FMNL2: variants seen among roughly 807,000 people sequenced by gnomAD.
FMNL2 encodes the protein formin-like protein 2.
FMNL2 carries 51 observed loss-of-function variants against 130.2 expected under a neutral mutation model. The observed-to-expected ratio is 0.39, with a 90% CI of 0.31 to 0.49. The LOEUF is 0.49. Ranked by LOEUF, FMNL2 falls within the 20% of genes least tolerant of loss-of-function variation. The pLI is 0.85. For synonymous variants in FMNL2, 465 were observed against 467.1 expected, an observed-to-expected ratio of 1.00 and a Z score of 0.06; for missense variants, 977 against 1,316.2, an observed-to-expected ratio of 0.74 and a Z score of 3.99.
chr2:152,350,321 C>T (rs1682405818), intron 1 of FMNL2, among the ~76,000 whole-genome samples: 1 of 152,150 alleles, frequency 6.6e-6, no homozygotes, highest in South Asian at 2.1e-4. Flanking sequence ...TCAGACCTTG[C>T]CCATGGGACA....
chr2:152,503,502 A>C (rs1447653283), intron 1 of FMNL2, among the ~76,000 whole-genome samples: 2 of 152,152 alleles, frequency 1.3e-5, no homozygotes, highest in African/African-American at 4.8e-5. Flanking sequence ...TCTTGCCAAA[A>C]CCAGATTTTA....
intron 15 of FMNL2, among the ~76,000 whole-genome samples, chr2:152,620,537 G>A (rs1029208593): frequency 1.3e-5 from 2 of 152,162 alleles, no homozygotes; most frequent in Admixed American, 6.5e-5. Context: ...TCCCTGTGAC[G>A]TGGGGTAATT....
chr2:152,619,248 T>G, intron 14 of FMNL2, 90 bp downstream of exon 14: 1 of 1,431,518 alleles, frequency 7.0e-7, no homozygotes, highest in South Asian at 1.5e-5. Flanking sequence ...TTTGTCCGTT[T>G]TTGTTGGCAT....
In FMNL2 at chr2:152,499,072, A is replaced by G. The variant is rs546029189; in HGVS notation, c.118-22871A>G. 2.0e-5 allele frequency among the ~76,000 whole-genome samples: 3 copies of G among 152,362 alleles called. No individual in the cohort carries two copies. The East Asian group carries it at 5.8e-4, about 29-fold the overall frequency. On this transcript the variant is annotated intron_variant, in intron 1 of 25. Coordinates refer to ENST00000288670, the MANE Select transcript of FMNL2 (RefSeq NM_052905.4). ...GGGGTCAATGGCATTTTAACGTAGA[A>G]GAACCAAGTGTTAGTAAAGAGCTTT...
chr2:152,616,868 A>G (rs73971918), intron 12 of FMNL2, among the ~76,000 whole-genome samples: 93 of 152,352 alleles, frequency 6.1e-4, no homozygotes, highest in Admixed American at 9.1e-4. Context: ...ACTAAGGAGC[A>G]GACATGTGGG....
chr2:152,592,071 C>T (rs759433144), intron 9 of FMNL2, among the ~76,000 whole-genome samples: 2 of 152,196 alleles, frequency 1.3e-5, no homozygotes, highest in Non-Finnish European at 2.9e-5. Context: ...CCACTGCACT[C>T]CAGCCTGGTG....
chr2:152,364,356 C>A (rs1683389472), intron 1 of FMNL2, among the ~76,000 whole-genome samples: 1 of 141,524 alleles, frequency 7.1e-6, no homozygotes, highest in African/African-American at 2.7e-5. Context: ...TTTACAGAGA[C>A]CTATAGGATA....
In FMNL2 at chr2:152,522,022, A is replaced by G. The variant is rs1240861802; in HGVS notation, c.197A>G (p.Asp66Gly). The G allele has an allele frequency of 1.2e-6, 2 of 1,609,222 alleles. No homozygotes were observed. Among genetic ancestry groups the G allele is most frequent in the East Asian group, 2.2e-5 (1 of 44,798 alleles). ...GAGAAAAAATGGGAACTGATTTGTG[A>G]TCAGGTAAGAAACAGTGACACTTTC... ...DNEKKWELIC[D>G]QERFQVKNPP... The change falls in exon 2 of 26, where the codon GAT (aspartate) becomes GGT (glycine). Residue 66 changes from aspartate to glycine, a missense_variant. Transcript: ENST00000288670.
At position 152,647,840 on chromosome 2, in the gene FMNL2, A is replaced by G. The variant is rs753663101; in HGVS notation, c.3214A>G (p.Ser1072Gly). The change falls in exon 26 of 26, where the codon AGC becomes GGC. Residue 1072 changes from serine (S) to glycine (G), a missense_variant. Around this residue, in one of 4 missense-constraint regions of FMNL2, gnomAD observed 168 missense variants for 168.8 expected, o/e 1.00. Coordinates refer to ENST00000288670, the MANE Select transcript of FMNL2 (RefSeq NM_052905.4). ...CAGACGAGCCGATGCGGTGAGGAGA[A>G]GCGTCAGGCGGCGCTTTGATGATCA... ...PYRRADAVRRSVRRRFDDQNL... is the reference protein window; with the variant it reads ...PYRRADAVRRGVRRRFDDQNL... The G allele has an allele frequency of 6.2e-7, 1 of 1,613,944 alleles. No individual in the cohort carries two copies. The highest frequency in any genetic ancestry group is 1.7e-5 in the Admixed American group (1 of 60,002).
At chr2:152,453,851 C>G (rs967305767) in intron 1 of FMNL2, among the ~76,000 whole-genome samples, 1 of 152,110 alleles carries the variant, frequency 6.6e-6, no homozygotes, top group Admixed American at 6.5e-5. Context: ...AATGTGCTCT[C>G]GTGTCCTAGC....
At chr2:152,496,377 C>A (rs754823231) in intron 1 of FMNL2, among the ~76,000 whole-genome samples, 4 of 152,158 alleles carry the variant, frequency 2.6e-5, no homozygotes, top group Non-Finnish European at 5.9e-5. Context: ...GCATTATCAT[C>A]ACATGCCCAT....
At chr2:152,342,894 C>T (rs1440266614) in intron 1 of FMNL2, among the ~76,000 whole-genome samples, 3 of 152,174 alleles carry the variant, frequency 2.0e-5, no homozygotes, top group Non-Finnish European at 4.4e-5. Context: ...TTGATGTTGA[C>T]AGATAAAAAT....
At chr2:152,619,189 GT>G (rs758847804) in intron 14 of FMNL2, 31 bp downstream of exon 14, 1 of 1,521,356 alleles carries the variant, frequency 6.6e-7, no homozygotes, top group East Asian at 2.3e-5. Flanking sequence ...GACTGAGGAA[GT>G]TTTGGAATAT....
intron 1 of FMNL2, among the ~76,000 whole-genome samples, chr2:152,371,398 C>T (rs561385767): frequency 1.2e-4 from 18 of 152,104 alleles, no homozygotes; most frequent in Middle Eastern, 6.8e-3. Context: ...CTGCTGGGCG[C>T]GGTGGCTCAT....
chr2:152,511,262 G>T (rs923184922), intron 1 of FMNL2, among the ~76,000 whole-genome samples: 2 of 152,190 alleles, frequency 1.3e-5, no homozygotes, highest in Admixed American at 6.5e-5. Flanking sequence ...TAAGGACCCT[G>T]TGATTATAAC....
chr2:152,640,050 T>C lies in FMNL2; in HGVS notation c.3039T>C (p.Asp1013=). The change falls in exon 24 of 26, where the codon GAT becomes GAC. Residue 1013 remains aspartate (D), a synonymous_variant. Transcript: ENST00000288670. The stretch of plus-strand genomic sequence containing the variant: ...AAGAAGCTCTGATGGAGCAGCAGGA[T>C]CCAAAGGTAAGAAGTGCCGCACTCA... The part of the protein sequence containing the change: ...LEQEALMEQQ[D]PKSPSHKSKR... 6.4e-7 allele frequency: 1 copy of C among 1,551,022 alleles called. No individual in the cohort carries two copies. Among genetic ancestry groups the C allele is most frequent in the Non-Finnish European group, 8.7e-7 (1 of 1,147,548 alleles).
intron 1 of FMNL2, among the ~76,000 whole-genome samples, chr2:152,359,685 T>C (rs975888470): frequency 1.3e-5 from 2 of 152,148 alleles, no homozygotes; most frequent in African/African-American, 2.4e-5. Flanking sequence ...CCCTGTGTTT[T>C]TCACCACCCT....
chr2:152,591,133 C>T (rs185954378), intron 9 of FMNL2, among the ~76,000 whole-genome samples: 3,916 of 151,328 alleles, frequency 0.026, 83 homozygotes, highest in Non-Finnish European at 0.041. Context: ...CCTCAGCTCC[C>T]GAGTAGCTGG....
intron 25 of FMNL2, among the ~76,000 whole-genome samples, chr2:152,645,820 T>C (rs1683503552): frequency 6.6e-6 from 1 of 152,228 alleles, no homozygotes; most frequent in Non-Finnish European, 1.5e-5. Context: ...AAACCCATTT[T>C]GATCTGAAGC....
Sources: allele counts gnomAD v4.1 joint callset (sites outside exome capture counted in the v4.1 genomes callset), GRCh38; gene constraint gnomAD v4.1.1; regional missense constraint gnomAD v4.1.1; transcripts MANE v1.5; gene names NCBI Gene and HGNC (gene_info 2026-07-23, HGNC 2026-07-21).